Variants in KLF17 observed in about 807,000 individuals in gnomAD.
The protein encoded by KLF17 is KLF transcription factor 17.
In KLF17, 31 loss-of-function variants were observed where a neutral mutation model predicts 34.2. The ratio of observed to expected loss-of-function variants is 0.91; its 90% CI spans 0.68 to 1.22. KLF17 has a LOEUF of 1.22. Ranked by LOEUF, KLF17 falls within the 50% of genes most tolerant of loss-of-function variation. The pLI, the probability that KLF17 is intolerant of heterozygous loss-of-function variation, is 0.00. For synonymous variants in KLF17, 179 were observed against 186.7 expected, an observed-to-expected ratio of 0.96 and a Z score of 0.34; for missense variants, 478 against 505.2, an observed-to-expected ratio of 0.95 and a Z score of 0.52.
At chr1:44,092,669 A>C in the KLF17 span, among the ~76,000 whole-genome samples, 1 of 150,370 alleles carries the variant, frequency 6.7e-6, no homozygotes, top group African/African-American at 2.5e-5. Flanking sequence ...GGGTCTCATT[A>C]TGTTGCCCAG....
At chr1:44,114,842 A>C (rs1279751132), upstream of KLF17, 2 of 152,214 alleles carry the variant, frequency 1.3e-5, no homozygotes, top group Non-Finnish European at 2.9e-5. Flanking sequence ...GTAGATACTG[A>C]ATTTTATTTG....
chr1:44,088,395 G>A, the KLF17 span: 2 of 152,576 alleles, frequency 1.3e-5, no homozygotes, highest in East Asian at 3.9e-4. Flanking sequence ...GGGATTACAG[G>A]TGAGCCACAG....
the KLF17 span, among the ~76,000 whole-genome samples, chr1:44,080,016 C>A: frequency 6.6e-6 from 1 of 151,522 alleles, no homozygotes; most frequent in Non-Finnish European, 1.5e-5. Context: ...ACAACCTCTG[C>A]CTCCTGGGTT....
At chr1:44,052,732 C>T in the KLF17 span, among the ~76,000 whole-genome samples, 1 of 152,170 alleles carries the variant, frequency 6.6e-6, no homozygotes, top group Non-Finnish European at 1.5e-5. Context: ...GAGAGCCTTA[C>T]TAGACATGGG....
At chr1:44,071,797 G>T in the KLF17 span, among the ~76,000 whole-genome samples, 3 of 152,068 alleles carry the variant, frequency 2.0e-5, no homozygotes, top group Non-Finnish European at 2.9e-5. Flanking sequence ...AGCTCCTAGG[G>T]TGGCATTCCA....
chr1:44,127,610 C>CTTTTCT (rs986132286), intron 1 of KLF17, among the ~76,000 whole-genome samples: 7 of 89,452 alleles, frequency 7.8e-5, no homozygotes, highest in African/African-American at 2.7e-4. Context: ...CCCTTTCTTT[C>CTTTTCT]TTTCTTTTCT....
rs542966323 is a variant in KLF17, at chr1:44,124,125, C to T, written c.81+5137C>T. 9.9e-5 allele frequency among the ~76,000 whole-genome samples: 15 copies of T among 152,156 alleles called. 2 individuals are homozygous for T. The highest frequency in any genetic ancestry group is 3.6e-4 in the African/African-American group (15 of 41,520). On this transcript the variant is annotated intron_variant, in intron 1 of 3. Transcript: ENST00000372299. ...TGGTGTTTGGATCTAAATATATATA[C>T]AGCATATATTTGGATCATGTTTTTA...
chr1:44,112,186 C>T, the KLF17 span, among the ~76,000 whole-genome samples: 1 of 152,170 alleles, frequency 6.6e-6, no homozygotes, highest in Non-Finnish European at 1.5e-5. Flanking sequence ...CTATTACAAA[C>T]AATGGTGCAA....
At chr1:44,067,653 C>A in the KLF17 span, among the ~76,000 whole-genome samples, 2 of 152,256 alleles carry the variant, frequency 1.3e-5, no homozygotes, top group Admixed American at 1.3e-4. Context: ...CCTTTGTACC[C>A]CAGAGAGGGT....
upstream of KLF17, among the ~76,000 whole-genome samples, chr1:44,118,137 G>T (rs1267771561): frequency 6.6e-6 from 1 of 152,066 alleles, no homozygotes; most frequent in Non-Finnish European, 1.5e-5. Context: ...TCACATTTCT[G>T]TTTTGGTTTT....
At chr1:44,070,851 C>T in the KLF17 span, among the ~76,000 whole-genome samples, 8 of 152,010 alleles carry the variant, frequency 5.3e-5, no homozygotes, top group African/African-American at 1.4e-4. Flanking sequence ...ATTTTTAATA[C>T]AAATTTGCAA....
At chr1:44,123,262 A>G (rs927783051) in intron 1 of KLF17, among the ~76,000 whole-genome samples, 11 of 151,998 alleles carry the variant, frequency 7.2e-5, no homozygotes, top group Non-Finnish European at 1.3e-4. Flanking sequence ...GGGTCTCACC[A>G]TGTTGCCCTG....
the KLF17 span, among the ~76,000 whole-genome samples, chr1:44,058,687 TTTTTTTTTTTTTTTTTTC>T: frequency 5.2e-5 from 5 of 96,598 alleles, no homozygotes; most frequent in Admixed American, 2.3e-4. Flanking sequence ...TTTTTTTTTT[TTTTTTTTTTTTTTTTTTC>T]CCGAGACGGA....
the KLF17 span, chr1:44,106,837 C>A: frequency 2.0e-5 from 3 of 152,186 alleles, no homozygotes; most frequent in East Asian, 5.8e-4. Context: ...CTCTTCCCCA[C>A]CTTCCCATCC....
upstream of KLF17, chr1:44,115,122 A>G (rs747540559): frequency 1.3e-5 from 2 of 152,176 alleles, no homozygotes; most frequent in Non-Finnish European, 2.9e-5. Flanking sequence ...CTGTCATTCT[A>G]TGTAACCAGT....
At chr1:44,073,614 A>G in the KLF17 span, among the ~76,000 whole-genome samples, 3 of 152,058 alleles carry the variant, frequency 2.0e-5, no homozygotes, top group Non-Finnish European at 2.9e-5. Context: ...GAAGAGAAAT[A>G]TTTGAGGAAC....
the KLF17 span, among the ~76,000 whole-genome samples, chr1:44,083,102 A>C: frequency 6.6e-6 from 1 of 151,552 alleles, no homozygotes; most frequent in African/African-American, 2.4e-5. Flanking sequence ...CACCACACCC[A>C]GCTAATTAAA....
Position 44,133,351 on chromosome 1 carries a change from C to A in KLF17, c.*114C>A, listed in dbSNP as rs1306544190. The A allele has an allele frequency of 6.6e-6, 1 of 152,204 alleles. No individual in the cohort carries two copies. The highest frequency in any genetic ancestry group is 1.5e-5 in the Non-Finnish European group (1 of 68,076). 9.4% of individuals were successfully genotyped at this position (152,204 alleles called of 1,614,324 possible). ...TTCAGAAAAATGTTTTTTGAGCCTA[C>A]AATACTGAGCGCAACAAGGCTGTGG... On this transcript the variant is annotated 3_prime_UTR_variant, in exon 4 of 4. Coordinates refer to ENST00000372299, the MANE Select transcript of KLF17 (RefSeq NM_173484.4).
chr1:44,074,124 ATC>A, the KLF17 span, among the ~76,000 whole-genome samples: 2 of 151,470 alleles, frequency 1.3e-5, no homozygotes, highest in Non-Finnish European at 2.9e-5. Context: ...TATAACTCAC[ATC>A]TCTTCCCATT....
Sources: allele counts gnomAD v4.1 joint callset (sites outside exome capture counted in the v4.1 genomes callset), GRCh38; gene constraint gnomAD v4.1.1; transcripts MANE v1.5; gene names NCBI Gene and HGNC (gene_info 2026-07-23, HGNC 2026-07-21).